Variants in C1orf122 observed in about 807,000 individuals in gnomAD.
The protein encoded by C1orf122 is uncharacterized protein C1orf122.
A neutral mutation model predicts 12.9 loss-of-function variants in C1orf122; 12 were observed. The observed-to-expected ratio is 0.93, with a 90% confidence interval of 0.60 to 1.51. The LOEUF (loss-of-function observed/expected upper bound fraction) is 1.51. Among genes scored for constraint, C1orf122 ranks in the 40% most tolerant of loss-of-function variants. The pLI, the probability that C1orf122 is intolerant of heterozygous loss-of-function variation, is 0.00. For missense variants in C1orf122, 144 were observed against 162.1 expected, an observed-to-expected ratio of 0.89 and a Z score of 0.61; for synonymous variants, 57 against 73.4, an observed-to-expected ratio of 0.78 and a Z score of 1.14.
chr1:37,808,174 G>T lies in C1orf122; in HGVS notation c.-231G>T. ...CTCATCCCCCTGCACCGACGCGCCG[G>T]AGACATCCGCCCAGGCCCGCTTCCG... On this transcript the variant is annotated 5_prime_UTR_variant, in exon 1 of 3. Coordinates refer to ENST00000373042, the MANE Select transcript of C1orf122 (RefSeq NM_198446.3). The T allele has an allele frequency of 1.4e-6, 2 of 1,454,760 alleles. No individual in the cohort carries two copies. Among genetic ancestry groups the T allele is most frequent in the South Asian group, 1.3e-5 (1 of 76,110 alleles). 90.1% of individuals were successfully genotyped at this position (1,454,760 alleles called of 1,614,324 possible). A position where few individuals can be genotyped will look rare whatever the true frequency, so the allele number is the denominator to read the frequency against.
At position 37,809,199 on chromosome 1, in the gene C1orf122, G is replaced by A. The variant is rs151277056; in HGVS notation, c.*126G>A. ...TGGCTGGTACTTGGCTCTCAGCCTGGAGTGGCAGCTCTGCTAGCAGCTGGG... is the reference window on the plus strand; with the variant it reads ...TGGCTGGTACTTGGCTCTCAGCCTGAAGTGGCAGCTCTGCTAGCAGCTGGG... On this transcript the variant is annotated 3_prime_UTR_variant, in exon 3 of 3. Transcript: ENST00000373042. 1.8e-6 allele frequency: 2 copies of A among 1,128,590 alleles called. No individual in the cohort carries two copies. Among genetic ancestry groups the A allele is most frequent in the Non-Finnish European group, 2.7e-6 (2 of 737,376 alleles). 69.9% of individuals were successfully genotyped at this position (1,128,590 alleles called of 1,614,324 possible).
rs1557580584 is a variant in C1orf122 at position 37,808,747 on chromosome 1, TG to T, written c.237+18del. 1 of 1,435,376 alleles carries T rather than the reference TG, an allele frequency of 7.0e-7. No individual in the cohort carries two copies. Among genetic ancestry groups the T allele is most frequent in the Admixed American group, 3.2e-5 (1 of 31,682 alleles). The allele number at this position is 1,435,376 out of a possible 1,614,324, so 88.9% of individuals were successfully genotyped here. ...CTGGTGGCGGGGTTAGTGCCCACCC[TG>T]GGCTGGGCTGGGGTGGGGTGGGGTC... On this transcript the variant is annotated intron_variant, in intron 2 of 2. Coordinates refer to ENST00000373042, the MANE Select transcript of C1orf122 (RefSeq NM_198446.3).
At position 37,809,091 on chromosome 1, in the gene C1orf122, A is replaced by G. The variant is rs1557580890; in HGVS notation, c.*18A>G. 6 of 1,612,770 alleles carry G rather than the reference A, an allele frequency of 3.7e-6. 1 individual carries two copies. The Admixed American group carries it at 1.0e-4, about 27-fold the overall frequency. ...AGCCCTGACCATCCCCGAGCAGAAT[A>G]CCCTGACTTCTCTCCCTCCCCAGGG... is the stretch of plus-strand genomic sequence containing the variant. On this transcript the variant is annotated 3_prime_UTR_variant, in exon 3 of 3. Transcript: ENST00000373042.
chr1:37,808,159 T>TG lies in C1orf122; in HGVS notation c.-245dup. On this transcript the variant is annotated 5_prime_UTR_variant, in exon 1 of 3. Coordinates refer to ENST00000373042, the MANE Select transcript of C1orf122 (RefSeq NM_198446.3). ...GCAGCCACCGCGGCCCTCATCCCCC[T>TG]GCACCGACGCGCCGGAGACATCCGC... is the stretch of plus-strand genomic sequence containing the variant. The TG allele has an allele frequency of 6.8e-7, 1 of 1,461,026 alleles. No homozygotes were observed. Among genetic ancestry groups the TG allele is most frequent in the Non-Finnish European group, 9.0e-7 (1 of 1,111,442 alleles). The allele number at this position is 1,461,026 out of a possible 1,614,324, so 90.5% of individuals were successfully genotyped here.
chr1:37,808,460 G>A (rs933223748), intron 1 of C1orf122, 21 bp downstream of exon 1: 15 of 1,278,232 alleles, frequency 1.2e-5, no homozygotes, highest in Non-Finnish European at 9.9e-7. Context: ...GCCCGTCGGG[G>A]CGGGAGGAAG....
In C1orf122 at chr1:37,807,847, G is replaced by T; in HGVS notation, c.-558G>T. On this transcript the variant is annotated 5_prime_UTR_variant, in exon 1 of 3. Transcript: ENST00000373042. ...ACGGCCAGAGGCTTGGCCTCGCTGC[G>T]ACCCTTGAGGCGGTACACAGCGCGC... 1 of 1,506,690 alleles carries T rather than the reference G, an allele frequency of 6.6e-7. No homozygotes were observed. The highest frequency in any genetic ancestry group is 2.7e-5 in the East Asian group (1 of 37,560). The allele number at this position is 1,506,690 out of a possible 1,614,324, so 93.3% of individuals were successfully genotyped here. A position where few individuals can be genotyped will look rare whatever the true frequency, so the allele number is the denominator to read the frequency against.
chr1:37,809,099 T>A lies in C1orf122; in HGVS notation c.*26T>A, dbSNP rs1443634829. The A allele has an allele frequency of 2.5e-6, 4 of 1,611,514 alleles. No individual in the cohort carries two copies. The East Asian group carries it at 8.9e-5, about 36-fold the overall frequency. On this transcript the variant is annotated 3_prime_UTR_variant, in exon 3 of 3. Coordinates refer to ENST00000373042, the MANE Select transcript of C1orf122 (RefSeq NM_198446.3). ...CCATCCCCGAGCAGAATACCCTGAC[T>A]TCTCTCCCTCCCCAGGGCCGGTGGC...
In C1orf122 at chr1:37,808,999, G is replaced by A. The variant is rs375740141; in HGVS notation, c.259G>A (p.Ala87Thr). ...GGGNVSAKPG[A>T]PPQPAVSARG... is the part of the protein sequence containing the mutation. ...CTAGAACGTCTCAGCCAAACCTGGA[G>A]CGCCCCCCCAGCCGGCTGTCTCCGC... The change falls in exon 3 of 3, where the codon GCG becomes ACG. Residue 87 changes from alanine to threonine, a missense_variant. Transcript: ENST00000373042. 2 of 1,613,500 alleles carry A rather than the reference G, an allele frequency of 1.2e-6. No individual in the cohort carries two copies. Among genetic ancestry groups the A allele is most frequent in the African/African-American group, 2.7e-5 (2 of 74,934 alleles).
Position 37,808,260 on chromosome 1 carries a change from G to C in C1orf122, c.-145G>C. On this transcript the variant is annotated 5_prime_UTR_variant, in exon 1 of 3. Transcript: ENST00000373042. ...GGAGACTCGGCCCCGCCTCTGCGCC[G>C]GGCAGCTTAAAGGGACCACGACCCC... 3 of 1,329,796 alleles carry C rather than the reference G, an allele frequency of 2.3e-6. No individual in the cohort carries two copies. Among genetic ancestry groups the C allele is most frequent in the Non-Finnish European group, 2.9e-6 (3 of 1,041,774 alleles). 82.4% of individuals were successfully genotyped at this position (1,329,796 alleles called of 1,614,324 possible).
chr1:37,808,186 C>T lies in C1orf122; in HGVS notation c.-219C>T, dbSNP rs1435667832. 4.2e-6 allele frequency: 6 copies of T among 1,438,980 alleles called. No homozygotes were observed. Among genetic ancestry groups the T allele is most frequent in the South Asian group, 1.4e-5 (1 of 73,558 alleles). The allele number at this position is 1,438,980 out of a possible 1,614,324, so 89.1% of individuals were successfully genotyped here. A position where few individuals can be genotyped will look rare whatever the true frequency, so the allele number is the denominator to read the frequency against. On this transcript the variant is annotated 5_prime_UTR_variant, in exon 1 of 3. Transcript: ENST00000373042. Reference sequence around the variant, plus strand: ...CACCGACGCGCCGGAGACATCCGCCCAGGCCCGCTTCCGGGAGGAAGTGAC... The same window carrying T: ...CACCGACGCGCCGGAGACATCCGCCTAGGCCCGCTTCCGGGAGGAAGTGAC...
chr1:37,809,001 G>A lies in C1orf122; in HGVS notation c.261G>A (p.Ala87=), dbSNP rs1553145994. The change falls in exon 3 of 3, where the codon GCG becomes GCA. Residue 87 remains alanine (A), a synonymous_variant. Coordinates refer to ENST00000373042, the MANE Select transcript of C1orf122 (RefSeq NM_198446.3). ...GGGNVSAKPG[A]PPQPAVSARG... ...AGAACGTCTCAGCCAAACCTGGAGCGCCCCCCCAGCCGGCTGTCTCCGCCA... is the reference window on the plus strand; with the variant it reads ...AGAACGTCTCAGCCAAACCTGGAGCACCCCCCCAGCCGGCTGTCTCCGCCA... 5.0e-6 allele frequency: 8 copies of A among 1,613,354 alleles called. No individual in the cohort carries two copies. Among genetic ancestry groups the A allele is most frequent in the Non-Finnish European group, 6.8e-6 (8 of 1,179,968 alleles).
rs757105051 is a variant in C1orf122 at position 37,808,738 on chromosome 1, T to A, written c.237+6T>A. ...CGGAGCCGGCTGGTGGCGGGGTTAG[T>A]GCCCACCCTGGGCTGGGCTGGGGTG... On this transcript the variant is annotated splice_donor_region_variant and intron_variant, in intron 2 of 2. Coordinates refer to ENST00000373042, the MANE Select transcript of C1orf122 (RefSeq NM_198446.3). 2.9e-6 allele frequency: 4 copies of A among 1,394,972 alleles called. No individual in the cohort carries two copies. The South Asian group carries it at 4.5e-5, about 16-fold the overall frequency. 86.4% of individuals were successfully genotyped at this position (1,394,972 alleles called of 1,614,324 possible).
rs1646758518 is a variant in C1orf122, at chr1:37,808,379, G to A, written c.-26G>A. On this transcript the variant is annotated 5_prime_UTR_variant, in exon 1 of 3. Transcript: ENST00000373042. ...GGGGAGGGGGGCGGCCGAAAGGGGG[G>A]CGGTGGTCGGGCCGCGCAAGCGGAG... The A allele has an allele frequency of 1.6e-6, 2 of 1,289,600 alleles. No homozygotes were observed. Among genetic ancestry groups the A allele is most frequent in the Non-Finnish European group, 2.0e-6 (2 of 1,020,260 alleles). The allele number at this position is 1,289,600 out of a possible 1,614,324, so 79.9% of individuals were successfully genotyped here.
At position 37,808,114 on chromosome 1, in the gene C1orf122, C is replaced by T. The variant is rs763215787; in HGVS notation, c.-291C>T. 1.4e-6 allele frequency: 2 copies of T among 1,452,616 alleles called. No individual in the cohort carries two copies. Among genetic ancestry groups the T allele is most frequent in the South Asian group, 2.7e-5 (2 of 75,450 alleles). 90.0% of individuals were successfully genotyped at this position (1,452,616 alleles called of 1,614,324 possible). On this transcript the variant is annotated 5_prime_UTR_variant, in exon 1 of 3. Coordinates refer to ENST00000373042, the MANE Select transcript of C1orf122 (RefSeq NM_198446.3). Reference sequence around the variant, plus strand: ...CGACCGCTCCGGGAGCCAGCAGGCCCCTCGCTCAACCCCACGCTGGCAGCC... The same window carrying T: ...CGACCGCTCCGGGAGCCAGCAGGCCTCTCGCTCAACCCCACGCTGGCAGCC...
Position 37,808,561 on chromosome 1 carries a change from G to T in C1orf122, c.66G>T (p.Ala22=). The T allele has an allele frequency of 7.7e-7, 1 of 1,297,954 alleles. No homozygotes were observed. The highest frequency in any genetic ancestry group is 9.8e-7 in the Non-Finnish European group (1 of 1,024,896). The allele number at this position is 1,297,954 out of a possible 1,614,324, so 80.4% of individuals were successfully genotyped here. The change falls in exon 2 of 3, where the codon GCG becomes GCT. Residue 22 remains alanine (A), a synonymous_variant. Coordinates refer to ENST00000373042, the MANE Select transcript of C1orf122 (RefSeq NM_198446.3). ...GEAAGVDRGK[A]GLGLGGRPPP... ...CTGCCGGCGTGGACCGCGGGAAGGC[G>T]GGGCTGGGGCTCGGCGGGAGGCCAC...
In C1orf122 at chr1:37,808,164, C is replaced by T. The variant is rs924277041; in HGVS notation, c.-241C>T. The T allele has an allele frequency of 1.4e-6, 2 of 1,459,386 alleles. No homozygotes were observed. Among genetic ancestry groups the T allele is most frequent in the Admixed American group, 2.5e-5 (1 of 40,668 alleles). The allele number at this position is 1,459,386 out of a possible 1,614,324, so 90.4% of individuals were successfully genotyped here. A position where few individuals can be genotyped will look rare whatever the true frequency, so the allele number is the denominator to read the frequency against. On this transcript the variant is annotated 5_prime_UTR_variant, in exon 1 of 3. Transcript: ENST00000373042. ...CACCGCGGCCCTCATCCCCCTGCAC[C>T]GACGCGCCGGAGACATCCGCCCAGG...
rs200417433 is a variant in C1orf122 at position 37,809,080 on chromosome 1, C to T, written c.*7C>T. 1.2e-6 allele frequency: 2 copies of T among 1,613,566 alleles called. No individual in the cohort carries two copies. Among genetic ancestry groups the T allele is most frequent in the African/African-American group, 2.7e-5 (2 of 74,938 alleles). On this transcript the variant is annotated 3_prime_UTR_variant, in exon 3 of 3. Transcript: ENST00000373042. Reference sequence around the variant, plus strand: ...TGGAGCTGCGGAGCCCTGACCATCCCCGAGCAGAATACCCTGACTTCTCTC... The same window carrying T: ...TGGAGCTGCGGAGCCCTGACCATCCTCGAGCAGAATACCCTGACTTCTCTC...
In C1orf122 at chr1:37,808,274, G is replaced by T. The variant is rs1646757087; in HGVS notation, c.-131G>T. ...GCCTCTGCGCCGGGCAGCTTAAAGG[G>T]ACCACGACCCCCAGGAGGATTGAAG... On this transcript the variant is annotated 5_prime_UTR_variant, in exon 1 of 3. Coordinates refer to ENST00000373042, the MANE Select transcript of C1orf122 (RefSeq NM_198446.3). The T allele has an allele frequency of 1.5e-6, 2 of 1,292,282 alleles. No individual in the cohort carries two copies. The highest frequency in any genetic ancestry group is 2.0e-6 in the Non-Finnish European group (2 of 1,020,468). 80.1% of individuals were successfully genotyped at this position (1,292,282 alleles called of 1,614,324 possible).
chr1:37,808,242 C>G lies in C1orf122; in HGVS notation c.-163C>G. 2.2e-6 allele frequency: 3 copies of G among 1,361,348 alleles called. No individual in the cohort carries two copies. The highest frequency in any genetic ancestry group is 2.8e-6 in the Non-Finnish European group (3 of 1,059,740). 84.3% of individuals were successfully genotyped at this position (1,361,348 alleles called of 1,614,324 possible). On this transcript the variant is annotated 5_prime_UTR_variant, in exon 1 of 3. Coordinates refer to ENST00000373042, the MANE Select transcript of C1orf122 (RefSeq NM_198446.3). Reference sequence around the variant, plus strand: ...CAGCCAGCTTCCGGTCCAGGAGACTCGGCCCCGCCTCTGCGCCGGGCAGCT... The same window carrying G: ...CAGCCAGCTTCCGGTCCAGGAGACTGGGCCCCGCCTCTGCGCCGGGCAGCT...
Sources: allele counts gnomAD v4.1 joint callset, GRCh38; gene constraint gnomAD v4.1.1; transcripts MANE v1.5; gene names NCBI Gene and HGNC (gene_info 2026-07-23, HGNC 2026-07-21).